KSR2: variants seen among roughly 807,000 people sequenced by gnomAD.
The protein encoded by KSR2 is kinase suppressor of ras 2.
Under a neutral mutation model 107.8 loss-of-function variants are expected in KSR2, and 25 were observed. The ratio of observed to expected loss-of-function variants is 0.23; its 90% CI spans 0.17 to 0.32. The LOEUF (loss-of-function observed/expected upper bound fraction) is 0.32, where lower values mean the gene tolerates loss of function less well. Among genes scored for constraint, KSR2 ranks in the 10% least tolerant of loss-of-function variants. The pLI, the probability that KSR2 is intolerant of heterozygous loss-of-function variation, is 1.00. For synonymous variants in KSR2, 480 were observed against 507.0 expected (o/e 0.95, Z 0.71); for missense variants, 887 against 1,268.9 (o/e 0.70, Z 4.57).
chr12:117,812,566 T>A (rs1488018885), intron 3 of KSR2, among the ~76,000 whole-genome samples: 1 of 152,138 alleles, frequency 6.6e-6, no homozygotes, highest in East Asian at 1.9e-4. Flanking sequence ...TCCTGTACTC[T>A]CCATTTCCCA....
At chr12:117,706,619 G>C (rs1320367590) in intron 4 of KSR2, among the ~76,000 whole-genome samples, 2 of 152,092 alleles carry the variant, frequency 1.3e-5, no homozygotes, top group Non-Finnish European at 2.9e-5. Flanking sequence ...ACTGCAAACA[G>C]ACATGAGAGA....
At chr12:117,500,390 G>A (rs576009944) in intron 14 of KSR2, among the ~76,000 whole-genome samples, 21 of 152,260 alleles carry the variant, frequency 1.4e-4, no homozygotes, top group Admixed American at 9.8e-4. Context: ...ACCTCACCAC[G>A]AGGACTCTGC....
At chr12:117,857,234 T>A (rs577121281) in intron 2 of KSR2, among the ~76,000 whole-genome samples, 1 of 152,116 alleles carries the variant, frequency 6.6e-6, no homozygotes, top group South Asian at 2.1e-4. Context: ...AATTTTTAAA[T>A]TTTTTTGTAG....
intron 14 of KSR2, among the ~76,000 whole-genome samples, chr12:117,492,286 A>T (rs1365011677): frequency 6.6e-6 from 1 of 152,254 alleles, no homozygotes; most frequent in Non-Finnish European, 1.5e-5. Context: ...AGATAAAATC[A>T]TCTAGAAGGT....
intron 5 of KSR2, among the ~76,000 whole-genome samples, chr12:117,597,980 G>A (rs1480912006): frequency 6.6e-6 from 1 of 152,102 alleles, no homozygotes; most frequent in Non-Finnish European, 1.5e-5. Context: ...CACGAGGAGT[G>A]GGGAATTTCT....
At chr12:117,914,364 T>C (rs1895113147) in intron 1 of KSR2, among the ~76,000 whole-genome samples, 1 of 148,696 alleles carries the variant, frequency 6.7e-6, no homozygotes, top group Non-Finnish European at 1.5e-5. Flanking sequence ...AGGAGGTGGA[T>C]GCTGCAGCGA....
intron 5 of KSR2, among the ~76,000 whole-genome samples, chr12:117,612,857 C>G (rs2136320755): frequency 6.6e-6 from 1 of 152,264 alleles, no homozygotes; most frequent in East Asian, 1.9e-4. Flanking sequence ...TGAGTGAGTT[C>G]TCACCAGACC....
intron 14 of KSR2, among the ~76,000 whole-genome samples, chr12:117,494,006 C>T (rs1872884374): frequency 6.6e-6 from 1 of 152,158 alleles, no homozygotes; most frequent in South Asian, 2.1e-4. Flanking sequence ...TTCCCAGTCT[C>T]CGGTAGGTCT....
rs547060379 is a variant in KSR2 at position 117,707,576 on chromosome 12, G to A, written c.987-39918C>T. The stretch of plus-strand genomic sequence containing the variant: ...GGTTTCCTATTATATAGAAAGGGGT[G>A]GGATATGAGGAATAAGAGTATTTTG... On this transcript the variant is annotated intron_variant, in intron 4 of 19. Coordinates refer to ENST00000339824, the MANE Select transcript of KSR2 (RefSeq NM_173598.6). Among the ~76,000 whole-genome samples, 454 of 152,244 alleles carry A rather than the reference G, an allele frequency of 3.0e-3. 1 individual carries two copies. Among genetic ancestry groups the A allele is most frequent in the Non-Finnish European group, 2.7e-3 (185 of 68,024 alleles).
At chr12:117,854,292 C>A (rs1411395734) in intron 3 of KSR2, among the ~76,000 whole-genome samples, 1 of 152,216 alleles carries the variant, frequency 6.6e-6, no homozygotes, top group Admixed American at 6.5e-5. Context: ...CAGGCGTGAG[C>A]CAGTGTGCCC....
intron 1 of KSR2, among the ~76,000 whole-genome samples, chr12:117,950,253 C>T (rs111838867): frequency 0.016 from 2,496 of 151,994 alleles, 62 homozygotes; most frequent in African/African-American, 0.057. Flanking sequence ...GGATTACAGG[C>T]GTGAGCTACT....
At chr12:117,710,187 C>T (rs1417130391) in intron 4 of KSR2, among the ~76,000 whole-genome samples, 1 of 151,988 alleles carries the variant, frequency 6.6e-6, no homozygotes, top group Admixed American at 6.6e-5. Context: ...TGAATACGGC[C>T]TCTTGCTCCG....
At chr12:117,588,463 T>C (rs955062910) in intron 5 of KSR2, among the ~76,000 whole-genome samples, 1 of 152,222 alleles carries the variant, frequency 6.6e-6, no homozygotes, top group Non-Finnish European at 1.5e-5. Flanking sequence ...CTGGGTCTCA[T>C]CTGTCACTGT....
chr12:117,716,124 A>G (rs753577830), intron 4 of KSR2, among the ~76,000 whole-genome samples: 1 of 152,134 alleles, frequency 6.6e-6, no homozygotes, highest in Non-Finnish European at 1.5e-5. Context: ...AAATTACTGT[A>G]TTTACTTCCT....
chr12:117,471,162 C>T, intron 18 of KSR2, 29 bp downstream of exon 18: 1 of 1,611,138 alleles, frequency 6.2e-7, no homozygotes, highest in Non-Finnish European at 8.5e-7. Context: ...CCCCTCATCC[C>T]CCAAGTCTGG....
intron 14 of KSR2, among the ~76,000 whole-genome samples, chr12:117,494,584 G>A (rs1872922540): frequency 6.6e-6 from 1 of 152,212 alleles, no homozygotes; most frequent in Non-Finnish European, 1.5e-5. Context: ...CTACATGGAT[G>A]CCAGAATGGT....
intron 3 of KSR2, among the ~76,000 whole-genome samples, chr12:117,843,586 T>C (rs937442470): frequency 6.6e-6 from 1 of 152,214 alleles, no homozygotes; most frequent in African/African-American, 2.4e-5. Flanking sequence ...GGAGCCATCA[T>C]GCCCTGAAGA....
At chr12:117,656,941 G>T (rs983687077) in intron 5 of KSR2, among the ~76,000 whole-genome samples, 3 of 102,484 alleles carry the variant, frequency 2.9e-5, no homozygotes, top group Admixed American at 1.0e-4. Context: ...TATATAATAG[G>T]ATATATATAT....
chr12:117,859,926 T>G (rs539799763), intron 2 of KSR2, among the ~76,000 whole-genome samples: 90 of 152,322 alleles, frequency 5.9e-4, no homozygotes, highest in Admixed American at 3.9e-4. Flanking sequence ...ATTTAAAATC[T>G]CAATCACATG....
Sources: gnomAD v4.1 joint callset for allele counts (sites outside exome capture counted in the v4.1 genomes callset) on GRCh38, gnomAD v4.1.1 for gene constraint, MANE v1.5 for transcripts, NCBI Gene and HGNC (gene_info 2026-07-23, HGNC 2026-07-21) for gene names.